CELSR1: variants seen among roughly 807,000 people sequenced by gnomAD.
CELSR1 encodes the protein adhesion G protein-coupled receptor C1.
CELSR1 carries 110 observed loss-of-function variants against 249.1 expected under a neutral mutation model. The observed-to-expected ratio is 0.44, with a 90% CI of 0.38 to 0.52. The LOEUF (loss-of-function observed/expected upper bound fraction) is 0.52. CELSR1 is among the 20% of genes least tolerant of loss of function. The pLI is 0.00. For missense variants in CELSR1, 4,109 were observed against 4,296.4 expected, an observed-to-expected ratio of 0.96 and a Z score of 1.22; for synonymous variants, 2,113 against 1,900.0, an observed-to-expected ratio of 1.11 and a Z score of -2.92.
intron 1 of CELSR1, among the ~76,000 whole-genome samples, chr22:46,478,955 C>T (rs1222786821): frequency 2.0e-5 from 3 of 152,022 alleles, no homozygotes; most frequent in Middle Eastern, 3.4e-3. Flanking sequence ...ACCGCAGGCC[C>T]AGGGAGTCAG....
chr22:46,377,215 G>A lies in CELSR1; in HGVS notation c.7430C>T (p.Ser2477Phe), dbSNP rs759294902. 3 of 1,613,916 alleles carry A rather than the reference G, an allele frequency of 1.9e-6. No homozygotes were observed. The Admixed American group carries it at 5.0e-5, about 27-fold the overall frequency. The change falls in exon 24 of 35, where the codon TCC becomes TTC. Residue 2477 changes from serine to phenylalanine, a missense_variant. Around this residue, in one of 7 missense-constraint regions of CELSR1, gnomAD observed 1,805 missense variants for 1,831.6 expected, o/e 0.99. Transcript: ENST00000674500. ...CACCAGCAGGGCTGCCAGTGACAAGGACACAGCGGCATAGGTGACAATCTT... is the reference window on the plus strand; with the variant it reads ...CACCAGCAGGGCTGCCAGTGACAAGAACACAGCGGCATAGGTGACAATCTT... ...PLKIVTYAAVSLSLAALLVAF... is the reference protein window; with the variant it reads ...PLKIVTYAAVFLSLAALLVAF...
At chr22:46,483,368 A>T (rs2080284867) in intron 1 of CELSR1, among the ~76,000 whole-genome samples, 1 of 151,124 alleles carries the variant, frequency 6.6e-6, no homozygotes, top group Non-Finnish European at 1.5e-5. Flanking sequence ...CTCTTTATGG[A>T]AACATGCTAT....
In CELSR1 at chr22:46,472,579, C is replaced by T. The variant is rs565722477; in HGVS notation, c.3545-8234G>A. 2.1e-4 allele frequency among the ~76,000 whole-genome samples: 32 copies of T among 152,288 alleles called. No homozygotes were observed. The highest frequency in any genetic ancestry group is 1.6e-3 in the Admixed American group (25 of 15,294). On this transcript the variant is annotated intron_variant, in intron 1 of 34. Coordinates refer to ENST00000674500, the MANE Select transcript of CELSR1 (RefSeq NM_001378328.1). The surrounding 1 kb of genome is among the most constrained non-coding windows in gnomAD (Gnocchi z 7.0). ...GGGGACAGGCCTCCTGAGAGCACAA[C>T]GCATGAAAAGCAGCAAAACCAGCAA...
chr22:46,397,012 AATGGC>A (rs1170825876), intron 12 of CELSR1, among the ~76,000 whole-genome samples: 4,948 of 152,238 alleles, frequency 0.033, 267 homozygotes, highest in African/African-American at 0.11. Context: ...ACACATGGGG[AATGGC>A]CACCAGCAGA....
chr22:46,530,055 A>T (rs1485024660), intron 1 of CELSR1, among the ~76,000 whole-genome samples: 1 of 152,064 alleles, frequency 6.6e-6, no homozygotes, highest in African/African-American at 2.4e-5. Context: ...CATGCCTATA[A>T]TTTCAGCACT....
chr22:46,535,545 G>C lies in CELSR1; in HGVS notation c.1626C>G (p.Pro542=). The stretch of plus-strand genomic sequence containing the variant: ...CCACCCCTGAAGAATTGATGAGCGG[G>C]GGCCGGCCCCCATCCTGGGCCTTAA... ...LSIKAQDGGR[P]PLINSSGVVS... Residue 542 remains proline (P), a synonymous_variant, in exon 1 of 35, where the codon CCC becomes CCG. Coordinates refer to ENST00000674500, the MANE Select transcript of CELSR1 (RefSeq NM_001378328.1). The C allele has an allele frequency of 6.2e-7, 1 of 1,613,330 alleles. No individual in the cohort carries two copies.
rs1336968290 is a variant in CELSR1 at position 46,535,876 on chromosome 22, T to C, written c.1295A>G (p.Gln432Arg). Reference sequence around the variant, plus strand: ...ACTGAGCGGGCCCGGATTGCGCCCCTGGTCGTTGGCCTCCACCAGGAGCTG... The same window carrying C: ...ACTGAGCGGGCCCGGATTGCGCCCCCGGTCGTTGGCCTCCACCAGGAGCTG... ...EYQLLVEAND[Q>R]GRNPGPLSAT... The change falls in exon 1 of 35, where the codon CAG (glutamine) becomes CGG (arginine). Residue 432 changes from glutamine (Q) to arginine (R), a missense_variant. This residue lies in a region of CELSR1 where 673 missense variants were observed against 636.8 expected (regional missense o/e 1.06). Coordinates refer to ENST00000674500, the MANE Select transcript of CELSR1 (RefSeq NM_001378328.1). 1 of 1,610,202 alleles carries C rather than the reference T, an allele frequency of 6.2e-7. No individual in the cohort carries two copies. The highest frequency in any genetic ancestry group is 1.1e-5 in the South Asian group (1 of 91,006).
chr22:46,400,102 G>C (rs1440808589), intron 9 of CELSR1, among the ~76,000 whole-genome samples, 200 bp from the exon 10 acceptor site: 1 of 152,152 alleles, frequency 6.6e-6, no homozygotes, highest in Non-Finnish European at 1.5e-5. Flanking sequence ...GGCTGAGGTG[G>C]GTGGATCACC....
At chr22:46,397,373 G>C (rs1052345588) in intron 12 of CELSR1, among the ~76,000 whole-genome samples, 2 of 142,282 alleles carry the variant, frequency 1.4e-5, no homozygotes. Context: ...CACCCACCTC[G>C]GCCTCCCAAA....
intron 1 of CELSR1, among the ~76,000 whole-genome samples, chr22:46,499,566 T>C (rs138678104): frequency 1.2e-3 from 188 of 152,304 alleles, no homozygotes; most frequent in African/African-American, 4.2e-3. Flanking sequence ...TGTATATATC[T>C]ATTTTCAGGA....
intron 33 of CELSR1, 73 bp downstream of exon 33, chr22:46,364,438 TC>T: frequency 6.5e-7 from 1 of 1,527,742 alleles, no homozygotes; most frequent in Non-Finnish European, 8.9e-7. Flanking sequence ...CCAGCCCCAC[TC>T]CCACCTCCAG....
intron 2 of CELSR1, among the ~76,000 whole-genome samples, chr22:46,442,041 G>A (rs566493658): frequency 3.5e-4 from 53 of 151,896 alleles, no homozygotes; most frequent in Non-Finnish European, 5.9e-4. Context: ...CCATCTACTC[G>A]GGAGGCTGAG....
At chr22:46,394,038 A>T in intron 14 of CELSR1, 104 bp downstream of exon 14, 4 of 1,441,334 alleles carry the variant, frequency 2.8e-6, no homozygotes, top group Non-Finnish European at 9.5e-7. Context: ...CAGGGGTGTG[A>T]GTGTGTACCG....
chr22:46,439,627 T>C (rs994610162), intron 2 of CELSR1, among the ~76,000 whole-genome samples: 4 of 152,140 alleles, frequency 2.6e-5, no homozygotes, highest in Admixed American at 1.3e-4. Flanking sequence ...ACCCAGCTCC[T>C]GGTGGGCAAA....
rs1207404420 is a variant in CELSR1, at chr22:46,448,693, G to A, written c.4184-9282C>T. On this transcript the variant is annotated intron_variant, in intron 2 of 34. Coordinates refer to ENST00000674500, the MANE Select transcript of CELSR1 (RefSeq NM_001378328.1). The surrounding 1 kb of genome is among the most constrained non-coding windows in gnomAD (Gnocchi z 5.7). The stretch of plus-strand genomic sequence containing the variant: ...AATGAAACACAAGAACAGAGAACAA[G>A]GAGTGAGTGGAAGGGCCCGGGAACA... 3 of 323,948 alleles carry A rather than the reference G, an allele frequency of 9.3e-6. No homozygotes were observed. Among genetic ancestry groups the A allele is most frequent in the Non-Finnish European group, 1.2e-5 (2 of 162,804 alleles). The allele number at this position is 323,948 out of a possible 1,614,324, so 20.1% of individuals were successfully genotyped here. A position where few individuals can be genotyped will look rare whatever the true frequency, so the allele number is the denominator to read the frequency against.
Position 46,399,838 on chromosome 22 carries a change from A to G in CELSR1, c.5291T>C (p.Leu1764Pro). Reference protein sequence around the residue: ...HGPSDVESVMLSGLRVTDGEW... With the variant: ...HGPSDVESVMPSGLRVTDGEW... ...CCCGTCGGTCACCCGCAACCCGGAC[A>G]GCATCACGGACTCCACATCGGAGGG... Residue 1764 changes from leucine to proline, a missense_variant, in exon 10 of 35, where the codon CTG (leucine) becomes CCG (proline). Leu to Pro is a moderately conservative substitution (Grantham distance 98, BLOSUM62 -3). Around this residue, in one of 7 missense-constraint regions of CELSR1, gnomAD observed 1,805 missense variants for 1,831.6 expected, o/e 0.99. Transcript: ENST00000674500. The surrounding 1 kb of genome is among the most constrained non-coding windows in gnomAD (Gnocchi z 5.0). The G allele has an allele frequency of 6.2e-7, 1 of 1,614,178 alleles. No homozygotes were observed.
chr22:46,386,413 G>T lies in CELSR1; in HGVS notation c.6728C>A (p.Thr2243Asn). 6.3e-7 allele frequency: 1 copy of T among 1,578,396 alleles called. No individual in the cohort carries two copies. Among genetic ancestry groups the T allele is most frequent in the Non-Finnish European group, 8.6e-7 (1 of 1,162,194 alleles). Residue 2243 changes from threonine (T) to asparagine (N), a missense_variant, in exon 19 of 35, where the codon ACC becomes AAC. Transcript: ENST00000674500. ...AGCCAGCGCCTTACTCATGTTGGCGGTGACGATGACGAAGGGCCGCAGGTA... is the reference window on the plus strand; with the variant it reads ...AGCCAGCGCCTTACTCATGTTGGCGTTGACGATGACGAAGGGCCGCAGGTA... ...RTYLRPFVIV[T>N]ANMILAVDIF...
rs1167323687 is a variant in CELSR1, at chr22:46,386,113, G to A, written c.6739+289C>T. 5.3e-5 allele frequency among the ~76,000 whole-genome samples: 8 copies of A among 152,036 alleles called. 1 individual carries two copies. Among genetic ancestry groups the A allele is most frequent in the Non-Finnish European group, 1.0e-4 (7 of 68,000 alleles). On this transcript the variant is annotated intron_variant, in intron 19 of 34. Coordinates refer to ENST00000674500, the MANE Select transcript of CELSR1 (RefSeq NM_001378328.1). ...GCCTCCTGAGTAGCTGGGATTACAG[G>A]CATGCACCACCACACCTGGCTACTT... is the stretch of plus-strand genomic sequence containing the variant.
At chr22:46,522,531 G>A (rs914543174) in intron 1 of CELSR1, among the ~76,000 whole-genome samples, 1 of 152,098 alleles carries the variant, frequency 6.6e-6, no homozygotes, top group African/African-American at 2.4e-5. Context: ...TAATTCCATT[G>A]TTTTCTTGTT....
Sources: gnomAD v4.1 joint callset for allele counts (sites outside exome capture counted in the v4.1 genomes callset) on GRCh38, gnomAD v4.1.1 for gene constraint, gnomAD v4.1.1 regional missense constraint, Gnocchi (gnomAD v3.1) non-coding constraint, MANE v1.5 for transcripts, NCBI Gene and HGNC (gene_info 2026-07-23, HGNC 2026-07-21) for gene names.